The following ZDHHC17 variants were observed in gnomAD, a reference collection of about 807,000 sequenced individuals.
ZDHHC17 encodes the protein zDHHC palmitoyltransferase 17.
In ZDHHC17, 40 loss-of-function variants were observed where a neutral mutation model predicts 90.3. The ratio of observed to expected loss-of-function variants is 0.44; its 90% CI spans 0.34 to 0.58. The LOEUF (loss-of-function observed/expected upper bound fraction) is 0.58. Among genes scored for constraint, ZDHHC17 ranks in the 20% least tolerant of loss-of-function variants. ZDHHC17 has a pLI of 0.01. For missense variants in ZDHHC17, 614 were observed against 780.8 expected (o/e 0.79, Z 2.55); for synonymous variants, 235 against 252.4 (o/e 0.93, Z 0.65).
intron 10 of ZDHHC17, chr12:76,840,342 T>A (rs1027038076): frequency 6.6e-6 from 1 of 150,776 alleles, no homozygotes; most frequent in African/African-American, 2.4e-5. Flanking sequence ...TCCATTAATT[T>A]TTTTTTTTTT....
At chr12:76,833,684 C>T (rs1041490482) in intron 10 of ZDHHC17, among the ~76,000 whole-genome samples, 6 of 151,986 alleles carry the variant, frequency 3.9e-5, no homozygotes, top group East Asian at 3.9e-4. Flanking sequence ...CCCAGCTATT[C>T]GGGAGGCTGA....
intron 1 of ZDHHC17, among the ~76,000 whole-genome samples, chr12:76,778,302 G>A (rs773198506): frequency 6.6e-6 from 1 of 152,098 alleles, no homozygotes; most frequent in Non-Finnish European, 1.5e-5. Flanking sequence ...CTGCCTCCTG[G>A]ATGGGTTCAA....
At chr12:76,801,546 C>T (rs577370243) in intron 2 of ZDHHC17, among the ~76,000 whole-genome samples, 3 of 151,798 alleles carry the variant, frequency 2.0e-5, no homozygotes, top group East Asian at 2.0e-4. Context: ...CCCAGCTACT[C>T]GGGAGGCTGA....
At chr12:76,815,748 C>G in intron 6 of ZDHHC17, 109 bp from the exon 7 acceptor site, 1 of 1,202,556 alleles carries the variant, frequency 8.3e-7, no homozygotes, top group Non-Finnish European at 1.1e-6. Context: ...TAGAAGTGTT[C>G]CAAAATGGAA....
chr12:76,828,934 A>G (rs1443290697), intron 10 of ZDHHC17, among the ~76,000 whole-genome samples: 5 of 152,164 alleles, frequency 3.3e-5, no homozygotes. Context: ...ACAGACAGAC[A>G]TTTCTCCAAG....
At chr12:76,849,328 A>AAAAAAAAAAAAAC in intron 15 of ZDHHC17, 48 bp from the exon 16 acceptor site, 1 of 989,856 alleles carries the variant, frequency 1.0e-6, no homozygotes, top group Non-Finnish European at 1.4e-6. Context: ...TGTCTCAAAA[A>AAAAAAAAAAAAAC]AAAAAAAAAA....
At chr12:76,813,293 A>G (rs1033130763) in intron 5 of ZDHHC17, 1 of 426,030 alleles carries the variant, frequency 2.3e-6, no homozygotes, top group Non-Finnish European at 4.7e-6. Flanking sequence ...TTCAGAAAAC[A>G]TATTTTTTTT....
At chr12:76,774,678 ATTAC>A (rs1368220649) in intron 1 of ZDHHC17, among the ~76,000 whole-genome samples, 2 of 152,320 alleles carry the variant, frequency 1.3e-5, no homozygotes, top group East Asian at 1.9e-4. Flanking sequence ...TCTTGGGCAA[ATTAC>A]TTAATCTTCT....
At chr12:76,816,304 A>G (rs1953086578) in intron 7 of ZDHHC17, among the ~76,000 whole-genome samples, 1 of 152,040 alleles carries the variant, frequency 6.6e-6, no homozygotes, top group African/African-American at 2.4e-5. Flanking sequence ...AAAAGTTACA[A>G]CATTATTTAA....
At chr12:76,813,375 T>A (rs1280227463) in intron 5 of ZDHHC17, 1 of 452,098 alleles carries the variant, frequency 2.2e-6, no homozygotes, top group East Asian at 7.1e-5. Context: ...AAGATATTCC[T>A]GACAACACTA....
chr12:76,827,536 TC>T (rs199616156), intron 9 of ZDHHC17, among the ~76,000 whole-genome samples: 1,687 of 152,256 alleles, frequency 0.011, 11 homozygotes, highest in Non-Finnish European at 0.017. Context: ...TCTTTAAACA[TC>T]ATGATCATTC....
chr12:76,841,689 T>C (rs1953437304), intron 10 of ZDHHC17, among the ~76,000 whole-genome samples: 1 of 152,142 alleles, frequency 6.6e-6, no homozygotes, highest in South Asian at 2.1e-4. Context: ...ATAAAGTATA[T>C]GTTAATAACT....
chr12:76,800,980 T>G (rs1565778359), intron 2 of ZDHHC17, among the ~76,000 whole-genome samples: 1 of 149,194 alleles, frequency 6.7e-6, no homozygotes, highest in East Asian at 2.1e-4. Flanking sequence ...CTCCGCCTAC[T>G]GAGTTCAAGC....
intron 10 of ZDHHC17, chr12:76,840,877 G>T (rs894168132): frequency 1.3e-5 from 2 of 152,064 alleles, no homozygotes; most frequent in East Asian, 1.9e-4. Flanking sequence ...TACATGTTAC[G>T]TTGGCACCTT....
At position 76,815,945 on chromosome 12, in the gene ZDHHC17, G is replaced by A. The variant is rs762159922; in HGVS notation, c.697G>A (p.Val233Met). ...CAAAAACACTGCTCTGCATTGGGCA[G>A]TGCTAGCAGGGAATACCACAGTCAT... The part of the protein sequence containing the change: ...YHKNTALHWA[V>M]LAGNTTVISL... Residue 233 changes from valine to methionine, a missense_variant, in exon 7 of 17, where the codon GTG becomes ATG. Transcript: ENST00000426126. 14 of 1,582,896 alleles carry A rather than the reference G, an allele frequency of 8.8e-6. No individual in the cohort carries two copies. Among genetic ancestry groups the A allele is most frequent in the Non-Finnish European group, 1.2e-5 (14 of 1,163,256 alleles).
At chr12:76,810,849 G>C (rs1953010786) in intron 5 of ZDHHC17, among the ~76,000 whole-genome samples, 1 of 152,166 alleles carries the variant, frequency 6.6e-6, no homozygotes, top group South Asian at 2.1e-4. Flanking sequence ...GGCTGCAGTT[G>C]TCTGGCGGCT....
At chr12:76,838,107 G>A (rs5023608) in intron 10 of ZDHHC17, among the ~76,000 whole-genome samples, 1 of 151,744 alleles carries the variant, frequency 6.6e-6, no homozygotes, top group Non-Finnish European at 1.5e-5. Flanking sequence ...CTAGAATCAC[G>A]CTTTTCATCT....
chr12:76,800,906 T>TTA (rs1555183481), intron 2 of ZDHHC17, among the ~76,000 whole-genome samples: 2,156 of 149,126 alleles, frequency 0.014, 31 homozygotes, highest in Middle Eastern at 0.032. Flanking sequence ...TTTTTTTTTT[T>TTA]AGACAGAGTC....
At chr12:76,828,279 C>A in intron 9 of ZDHHC17, 111 bp from the exon 10 acceptor site, 1 of 895,592 alleles carries the variant, frequency 1.1e-6, no homozygotes, top group Non-Finnish European at 1.6e-6. Flanking sequence ...ACTCTGGATT[C>A]TGGTGAAACC....
Sources: gnomAD v4.1 joint callset for allele counts (sites outside exome capture counted in the v4.1 genomes callset) on GRCh38, gnomAD v4.1.1 for gene constraint, MANE v1.5 for transcripts, NCBI Gene and HGNC (gene_info 2026-07-23, HGNC 2026-07-21) for gene names.